The following NTN1 variants were observed in gnomAD, a reference collection of about 807,000 sequenced individuals.
NTN1 encodes the protein netrin-1.
Under a neutral mutation model 54.2 loss-of-function variants are expected in NTN1, and 11 were observed. That is an observed-to-expected ratio of 0.20 (90% CI 0.13 to 0.34). NTN1 has a LOEUF of 0.34. Ranked by LOEUF, NTN1 falls within the 10% of genes least tolerant of loss-of-function variation. The probability of loss-of-function intolerance (pLI) is 1.00; values close to 1 mark genes in which losing one functional copy is unlikely to be tolerated. For synonymous variants in NTN1, 371 were observed against 382.0 expected (o/e 0.97, Z 0.33); for missense variants, 740 against 893.1 (o/e 0.83, Z 2.18).
chr17:9,182,845 A>G, intron 4 of NTN1, 71 bp from the exon 5 acceptor site: 2 of 1,515,410 alleles, frequency 1.3e-6, no homozygotes, highest in Non-Finnish European at 1.8e-6. Context: ...GGCTCATTCT[A>G]AAGTCAAAAA....
Position 9,165,736 on chromosome 17 carries a change from G to A in NTN1, c.1207+2735G>A, listed in dbSNP as rs1462925120. 6.6e-6 allele frequency among the ~76,000 whole-genome samples: 1 copy of A among 152,202 alleles called. No individual in the cohort carries two copies. The highest frequency in any genetic ancestry group is 2.4e-5 in the African/African-American group (1 of 41,450). Reference sequence around the variant, plus strand: ...TTGGTGAAGAAAGACAGTGCTTCAAGGAACTTGTCACCTGATTGGTGACAG... The same window carrying A: ...TTGGTGAAGAAAGACAGTGCTTCAAAGAACTTGTCACCTGATTGGTGACAG... On this transcript the variant is annotated intron_variant, in intron 3 of 6. Coordinates refer to ENST00000173229, the MANE Select transcript of NTN1 (RefSeq NM_004822.3). The surrounding 1 kb of genome is among the most constrained non-coding windows in gnomAD (Gnocchi z 4.5).
At position 9,114,162 on chromosome 17, in the gene NTN1, A is replaced by ATATATATAT. The variant is rs1180136945; in HGVS notation, c.1019-48651_1019-48650insTATATATAT. Among the ~76,000 whole-genome samples, 147 of 84,168 alleles carry ATATATATAT rather than the reference A, an allele frequency of 1.7e-3. 4 individuals are homozygous for ATATATATAT. Among genetic ancestry groups the ATATATATAT allele is most frequent in the Non-Finnish European group, 2.6e-3 (111 of 42,316 alleles). 55.2% of individuals were successfully genotyped at this position (84,168 alleles called of 152,430 possible). On this transcript the variant is annotated intron_variant, in intron 2 of 6. Transcript: ENST00000173229. The stretch of plus-strand genomic sequence containing the variant: ...GGGTGCCAAAAAAAAAGAAAAAAAA[A>ATATATATAT]AAAAATATATATATATATATATATG...
At chr17:9,081,101 G>T (rs1254171495) in intron 2 of NTN1, among the ~76,000 whole-genome samples, 2 of 152,164 alleles carry the variant, frequency 1.3e-5, no homozygotes. Context: ...AGTGCTGGGG[G>T]CAGTCTTATG....
intron 2 of NTN1, among the ~76,000 whole-genome samples, chr17:9,055,951 G>A (rs564774587): frequency 2.1e-4 from 32 of 151,546 alleles, no homozygotes; most frequent in African/African-American, 7.5e-4. Flanking sequence ...AGGCTGGAGT[G>A]CAATGGCGCA....
chr17:9,014,801 T>C, the NTN1 span, among the ~76,000 whole-genome samples: 2 of 152,176 alleles, frequency 1.3e-5, 1 homozygote, highest in African/African-American at 4.8e-5. Context: ...CAGCTCATAC[T>C]CTTGGTAGAC....
chr17:9,178,624 G>T (rs2092408542), intron 3 of NTN1, among the ~76,000 whole-genome samples: 1 of 152,202 alleles, frequency 6.6e-6, no homozygotes, highest in African/African-American at 2.4e-5. Flanking sequence ...GCATTCTTGG[G>T]TTTTTTGGTC....
intron 2 of NTN1, among the ~76,000 whole-genome samples, chr17:9,126,761 G>C (rs906446863): frequency 2.0e-5 from 3 of 152,080 alleles, no homozygotes; most frequent in African/African-American, 7.2e-5. Context: ...CAGATAGAGG[G>C]AACAAACCAG....
chr17:9,138,877 G>T (rs2092289209), intron 2 of NTN1, among the ~76,000 whole-genome samples: 1 of 152,170 alleles, frequency 6.6e-6, no homozygotes, highest in African/African-American at 2.4e-5. Context: ...AGGGTCACCA[G>T]TCCCCTTGGT....
chr17:9,012,328 A>G, the NTN1 span, among the ~76,000 whole-genome samples: 131 of 152,202 alleles, frequency 8.6e-4, no homozygotes, highest in Non-Finnish European at 1.7e-3. Context: ...CCTGGCCAAC[A>G]TGGTAAAACC....
chr17:9,090,787 A>C (rs2092107753), intron 2 of NTN1, among the ~76,000 whole-genome samples: 1 of 152,150 alleles, frequency 6.6e-6, no homozygotes, highest in African/African-American at 2.4e-5. Flanking sequence ...GGGAGCCAAG[A>C]GAAGGGGGCA....
Position 9,239,580 on chromosome 17 carries a change from G to GTCC in NTN1, c.1487-60_1487-59insTCC, listed in dbSNP as rs1279727972. Reference sequence around the variant, plus strand: ...TCCTTTCCCTTCTCCCCAGGCTCAGGCAGGGCGGACCTAGCCACAGCAGCT... The same window carrying GTCC: ...TCCTTTCCCTTCTCCCCAGGCTCAGGTCCCAGGGCGGACCTAGCCACAGCAGCT... On this transcript the variant is annotated intron_variant, in intron 6 of 6. Coordinates refer to ENST00000173229, the MANE Select transcript of NTN1 (RefSeq NM_004822.3). This position sits in a 1 kb window ranked among gnomAD's most constrained non-coding sequence, Gnocchi z 5.2. 6.5e-7 allele frequency: 1 copy of GTCC among 1,539,498 alleles called. No individual in the cohort carries two copies. The highest frequency in any genetic ancestry group is 8.9e-7 in the Non-Finnish European group (1 of 1,124,958).
intron 2 of NTN1, among the ~76,000 whole-genome samples, chr17:9,089,329 C>G (rs772240032): frequency 6.6e-6 from 1 of 151,738 alleles, no homozygotes; most frequent in African/African-American, 2.4e-5. Context: ...ACAGGAGAAT[C>G]GCTTGAACCC....
At chr17:9,115,393 G>C (rs1382404227) in intron 2 of NTN1, among the ~76,000 whole-genome samples, 1 of 152,162 alleles carries the variant, frequency 6.6e-6, no homozygotes, top group Non-Finnish European at 1.5e-5. Flanking sequence ...AGGGTCTCCC[G>C]GGGGTCTCCT....
intron 5 of NTN1, among the ~76,000 whole-genome samples, chr17:9,187,826 A>G (rs4791342): frequency 0.9 from 136,977 of 151,886 alleles, 61,831 homozygotes; most frequent in East Asian, 1. Context: ...TTAAGACCAC[A>G]TCTCAAAAAA....
intron 6 of NTN1, among the ~76,000 whole-genome samples, chr17:9,236,668 G>C (rs1390386253): frequency 6.6e-6 from 1 of 152,174 alleles, no homozygotes. Context: ...GACAAGGGCT[G>C]GTTGCTTTGT....
At chr17:9,149,987 AG>A (rs1197789204) in intron 2 of NTN1, among the ~76,000 whole-genome samples, 1 of 152,092 alleles carries the variant, frequency 6.6e-6, no homozygotes, top group East Asian at 1.9e-4. Context: ...GCATCATTTG[AG>A]GTCAGGAGTT....
chr17:9,023,139 A>C lies in NTN1; in HGVS notation c.766A>C (p.Thr256Pro), dbSNP rs2091858733. 1 of 1,563,416 alleles carries C rather than the reference A, an allele frequency of 6.4e-7. No individual in the cohort carries two copies. ...DIRVAFSRLHTFGDENEDDSE... is the reference protein window; with the variant it reads ...DIRVAFSRLHPFGDENEDDSE... ...CCGCGTGGCCTTCAGCCGCCTGCAC[A>C]CGTTCGGCGACGAGAACGAGGACGA... The change falls in exon 2 of 7, where the codon ACG becomes CCG. Residue 256 changes from threonine to proline, a missense_variant. Transcript: ENST00000173229.
chr17:9,136,775 C>T (rs2092282790), intron 2 of NTN1, among the ~76,000 whole-genome samples: 1 of 152,152 alleles, frequency 6.6e-6, no homozygotes, highest in Admixed American at 6.5e-5. Context: ...GCTGGGAACA[C>T]ACACTGTGGA....
chr17:9,164,935 G>A (rs2092369699), intron 3 of NTN1, among the ~76,000 whole-genome samples: 1 of 152,202 alleles, frequency 6.6e-6, no homozygotes, highest in Non-Finnish European at 1.5e-5. Context: ...GGGAGAGATG[G>A]CTTTGGGCTT....
Sources: gnomAD v4.1 joint callset for allele counts (sites outside exome capture counted in the v4.1 genomes callset) on GRCh38, gnomAD v4.1.1 for gene constraint, Gnocchi (gnomAD v3.1) non-coding constraint, MANE v1.5 for transcripts, NCBI Gene and HGNC (gene_info 2026-07-23, HGNC 2026-07-21) for gene names.